SNX25: variants seen among roughly 807,000 people sequenced by gnomAD.
SNX25 encodes sorting nexin-25.
A neutral mutation model predicts 113.7 loss-of-function variants in SNX25; 62 were observed. That is an observed-to-expected ratio of 0.55 (90% confidence interval 0.44 to 0.67). The LOEUF is 0.67. Among genes scored for constraint, SNX25 ranks in the 30% least tolerant of loss-of-function variants. SNX25 has a pLI of 0.00. For synonymous variants in SNX25, 421 were observed against 436.2 expected (o/e 0.97, Z 0.43); for missense variants, 1,014 against 1,161.0 (o/e 0.87, Z 1.84).
At chr4:185,223,191 G>C (rs1360471140) in intron 1 of SNX25, among the ~76,000 whole-genome samples, 1 of 152,034 alleles carries the variant, frequency 6.6e-6, no homozygotes, top group Non-Finnish European at 1.5e-5. Context: ...TGACTTTATA[G>C]GAATCACTTC....
rs2095215490 is a variant in SNX25, at chr4:185,334,205, G to A, written c.1914+1446G>A. ...AATACAAAAATTAGCCAGGCATGGT[G>A]GCATGCATGGTAATCCCAGCTACTC... is the stretch of plus-strand genomic sequence containing the variant. On this transcript the variant is annotated intron_variant, in intron 10 of 18. Transcript: ENST00000652585. This position sits in a 1 kb window ranked among gnomAD's most constrained non-coding sequence, Gnocchi z 4.2. Among the ~76,000 whole-genome samples, 1 of 152,102 alleles carries A rather than the reference G, an allele frequency of 6.6e-6. No individual in the cohort carries two copies. The highest frequency in any genetic ancestry group is 1.5e-5 in the Non-Finnish European group (1 of 68,022).
At chr4:185,350,001 A>C (rs1373358448) in intron 13 of SNX25, among the ~76,000 whole-genome samples, 2 of 152,232 alleles carry the variant, frequency 1.3e-5, no homozygotes, top group African/African-American at 4.8e-5. Context: ...AAAACGAATG[A>C]AGACTGTCTG....
intron 1 of SNX25, among the ~76,000 whole-genome samples, chr4:185,236,143 C>T (rs1340508513): frequency 2.6e-5 from 4 of 152,246 alleles, no homozygotes; most frequent in Non-Finnish European, 5.9e-5. Context: ...TCACCCTCTG[C>T]CTCAGGGTAA....
intron 3 of SNX25, among the ~76,000 whole-genome samples, chr4:185,261,026 T>G (rs980260665): frequency 6.6e-6 from 1 of 151,982 alleles, no homozygotes; most frequent in Admixed American, 6.6e-5. Flanking sequence ...TGTGAAAGAC[T>G]TGTTTGAATT....
At chr4:185,292,997 A>C (rs1752386176) in intron 6 of SNX25, among the ~76,000 whole-genome samples, 1 of 152,244 alleles carries the variant, frequency 6.6e-6, no homozygotes, top group South Asian at 2.1e-4. Flanking sequence ...GTGGAGGAAA[A>C]ATACTTGCAA....
intron 12 of SNX25, among the ~76,000 whole-genome samples, chr4:185,345,705 C>T (rs1376927992): frequency 6.6e-6 from 1 of 151,756 alleles, no homozygotes; most frequent in Non-Finnish European, 1.5e-5. Context: ...GTGGGAGAAT[C>T]GCTTGAGCCT....
chr4:185,363,550 A>C lies in SNX25; in HGVS notation c.*85A>C. 7 of 1,273,104 alleles carry C rather than the reference A, an allele frequency of 5.5e-6. No homozygotes were observed. The highest frequency in any genetic ancestry group is 7.9e-6 in the Non-Finnish European group (7 of 881,748). 78.9% of individuals were successfully genotyped at this position (1,273,104 alleles called of 1,614,324 possible). A position where few individuals can be genotyped will look rare whatever the true frequency, so the allele number is the denominator to read the frequency against. ...CTCTTTTCCACAGAGGGCTTAACTG[A>C]GAACCGTATTGATTTTTATTTTAGT... On this transcript the variant is annotated 3_prime_UTR_variant, in exon 19 of 19. Transcript: ENST00000652585. The surrounding 1 kb of genome is among the most constrained non-coding windows in gnomAD (Gnocchi z 4.2).
At chr4:185,373,175 G>T, downstream of SNX25, 1 of 1,114,228 alleles carries the variant, frequency 9.0e-7, no homozygotes, top group Non-Finnish European at 1.3e-6. Context: ...TTCCTAGATA[G>T]CACTATTAAT....
intron 1 of SNX25, among the ~76,000 whole-genome samples, chr4:185,244,041 A>G (rs891763063): frequency 1.3e-5 from 2 of 152,162 alleles, no homozygotes; most frequent in Non-Finnish European, 2.9e-5. Context: ...TATGTTGCCC[A>G]GGCTGGAGTG....
In SNX25 at chr4:185,273,484, C is replaced by G. The variant is rs374409761; in HGVS notation, c.1091+6329C>G. Among the ~76,000 whole-genome samples, 10 of 152,300 alleles carry G rather than the reference C, an allele frequency of 6.6e-5. No homozygotes were observed. The East Asian group carries it at 1.9e-3, about 29-fold the overall frequency. On this transcript the variant is annotated intron_variant, in intron 5 of 18. Coordinates refer to ENST00000652585, the MANE Select transcript of SNX25 (RefSeq NM_001378034.2). ...CACATTGTGGAGTGATTACCACAAG[C>G]AAGCTAATTAACATATCAATTACCT...
downstream of SNX25, chr4:185,370,548 G>GA (rs2095411317): frequency 8.1e-6 from 11 of 1,353,048 alleles, no homozygotes; most frequent in African/African-American, 4.3e-5. Context: ...TAATTGAGTA[G>GA]AAAAAACACT....
chr4:185,290,309 GTGTC>G (rs1751962890), intron 6 of SNX25, among the ~76,000 whole-genome samples: 1 of 152,192 alleles, frequency 6.6e-6, no homozygotes, highest in Non-Finnish European at 1.5e-5. Context: ...TGATTCTTGA[GTGTC>G]TGTGTTTTCC....
chr4:185,291,161 C>T (rs572480860), intron 6 of SNX25, among the ~76,000 whole-genome samples: 1 of 120,804 alleles, frequency 8.3e-6, no homozygotes, highest in African/African-American at 3.1e-5. Context: ...AGCTCACATT[C>T]CTTAGAAAAA....
At chr4:185,271,482 C>T (rs1401100931) in intron 5 of SNX25, among the ~76,000 whole-genome samples, 1 of 152,176 alleles carries the variant, frequency 6.6e-6, no homozygotes, top group East Asian at 1.9e-4. Flanking sequence ...CTCCTGGCCT[C>T]AAGTGATCCA....
chr4:185,377,803 C>T, the SNX25 span: 1 of 303,072 alleles, frequency 3.3e-6, no homozygotes, highest in East Asian at 6.5e-5. Flanking sequence ...GCATTGTTCT[C>T]TTTAACAAAC....
At chr4:185,262,319 C>T (rs1747436866) in intron 3 of SNX25, among the ~76,000 whole-genome samples, 1 of 152,176 alleles carries the variant, frequency 6.6e-6, no homozygotes, top group Admixed American at 6.5e-5. Flanking sequence ...TCCTTTGTCC[C>T]ATCTGTCTCG....
At chr4:185,326,068 C>T (rs747703781) in intron 9 of SNX25, among the ~76,000 whole-genome samples, 3 of 152,146 alleles carry the variant, frequency 2.0e-5, no homozygotes, top group Non-Finnish European at 2.9e-5. Context: ...AGATGGTTTC[C>T]AAATTCTGGA....
At chr4:185,250,873 C>T (rs1745531470) in intron 2 of SNX25, among the ~76,000 whole-genome samples, 2 of 151,928 alleles carry the variant, frequency 1.3e-5, no homozygotes, top group Non-Finnish European at 2.9e-5. Flanking sequence ...ATAAGCTATT[C>T]TACCACCCCT....
chr4:185,337,844 G>T (rs1326934561), intron 10 of SNX25, among the ~76,000 whole-genome samples: 1 of 151,892 alleles, frequency 6.6e-6, no homozygotes, highest in Non-Finnish European at 1.5e-5. Context: ...ATAACCATTA[G>T]GATAGTAGTC....
Sources: gnomAD v4.1 joint callset for allele counts (sites outside exome capture counted in the v4.1 genomes callset) on GRCh38, gnomAD v4.1.1 for gene constraint, Gnocchi (gnomAD v3.1) non-coding constraint, MANE v1.5 for transcripts, NCBI Gene and HGNC (gene_info 2026-07-23, HGNC 2026-07-21) for gene names.